Variants in CDH2 observed in about 807,000 individuals in gnomAD.
CDH2 encodes the protein cadherin 2.
In CDH2, 17 loss-of-function variants were observed where a neutral mutation model predicts 92.0. That is an observed-to-expected ratio of 0.18 (90% CI 0.13 to 0.28). CDH2 has a LOEUF of 0.28. Ranked by LOEUF, CDH2 falls within the 10% of genes least tolerant of loss-of-function variation. CDH2 has a pLI of 1.00. For synonymous variants in CDH2, 419 were observed against 415.9 expected (o/e 1.01, Z -0.09); for missense variants, 862 against 1,133.1 (o/e 0.76, Z 3.44).
chr18:27,951,770 C>T lies in CDH2; in HGVS notation c.*383G>A, dbSNP rs1294989848. ...TTTAATAAAAGCAAATGCAATGTAA[C>T]AAAAGCGTGTTGAAGCATATCATGG... On this transcript the variant is annotated 3_prime_UTR_variant, in exon 16 of 16. Transcript: ENST00000269141. The T allele has an allele frequency of 6.0e-6, 1 of 167,214 alleles. No homozygotes were observed. The highest frequency in any genetic ancestry group is 1.3e-5 in the Non-Finnish European group (1 of 76,884). The allele number at this position is 167,214 out of a possible 1,614,324, so 10.4% of individuals were successfully genotyped here. A position where few individuals can be genotyped will look rare whatever the true frequency, so the allele number is the denominator to read the frequency against.
At chr18:28,039,549 C>G (rs2013908149) in intron 2 of CDH2, among the ~76,000 whole-genome samples, 2 of 152,078 alleles carry the variant, frequency 1.3e-5, no homozygotes, top group African/African-American at 4.8e-5. Flanking sequence ...AACTGTCAGA[C>G]AGAATAAACT....
At chr18:28,119,222 C>T (rs540675332) in intron 2 of CDH2, among the ~76,000 whole-genome samples, 1 of 152,242 alleles carries the variant, frequency 6.6e-6, no homozygotes, top group Non-Finnish European at 1.5e-5. Flanking sequence ...ACTGTCAGGA[C>T]TGCTTTTCAT....
At chr18:28,063,882 G>C (rs1325099248) in intron 2 of CDH2, among the ~76,000 whole-genome samples, 1 of 151,938 alleles carries the variant, frequency 6.6e-6, no homozygotes, top group East Asian at 1.9e-4. Flanking sequence ...AAATATTATT[G>C]GCTACTGTCT....
At chr18:28,116,706 T>G (rs1408508105) in intron 2 of CDH2, among the ~76,000 whole-genome samples, 1 of 152,196 alleles carries the variant, frequency 6.6e-6, no homozygotes, top group Non-Finnish European at 1.5e-5. Context: ...GTCTTTGATC[T>G]TGAGCACAGA....
At chr18:28,009,974 A>AGCTACAAACTTTCAGC in intron 4 of CDH2, 102 bp from the exon 5 acceptor site, 1 of 819,254 alleles carries the variant, frequency 1.2e-6, no homozygotes, top group Non-Finnish European at 1.8e-6. Flanking sequence ...CTACAAACTT[A>AGCTACAAACTTTCAGC]TACCATCTCT....
chr18:28,010,894 C>G (rs2013078797), intron 4 of CDH2, among the ~76,000 whole-genome samples: 1 of 151,036 alleles, frequency 6.6e-6, no homozygotes, highest in Non-Finnish European at 1.5e-5. Context: ...TCGTGATCTG[C>G]CCACCTCAGC....
At position 27,952,560 on chromosome 18, in the gene CDH2, G is replaced by T. The variant is rs191015158; in HGVS notation, c.2515-201C>A. On this transcript the variant is annotated intron_variant, in intron 15 of 15. Coordinates refer to ENST00000269141, the MANE Select transcript of CDH2 (RefSeq NM_001792.5). ...AAAAATTAACTTATATCTTTCCGGT[G>T]CAAAGAAACAACCCTAAGCAGTCAA... 2.4e-3 allele frequency among the ~76,000 whole-genome samples: 358 copies of T among 152,232 alleles called. 2 individuals carry two copies. The highest frequency in any genetic ancestry group is 8.3e-3 in the African/African-American group (346 of 41,564).
chr18:28,059,399 G>A (rs1232607176), intron 2 of CDH2, among the ~76,000 whole-genome samples: 1 of 152,144 alleles, frequency 6.6e-6, no homozygotes, highest in African/African-American at 2.4e-5. Flanking sequence ...AAACTAATAT[G>A]GAGTCATTCA....
chr18:28,079,785 G>C (rs531615285), intron 2 of CDH2, among the ~76,000 whole-genome samples: 1 of 152,300 alleles, frequency 6.6e-6, no homozygotes, highest in African/African-American at 2.4e-5. Context: ...TCTAGCATGT[G>C]TAGTGGGTCA....
chr18:28,047,847 C>T (rs927736265), intron 2 of CDH2, among the ~76,000 whole-genome samples: 3 of 95,718 alleles, frequency 3.1e-5, no homozygotes, highest in African/African-American at 1.2e-4. Flanking sequence ...CCAGCCTGAA[C>T]AACAGAGGGA....
At chr18:27,935,393 A>G (rs1428074674) in intron 6 of CDH2, among the ~76,000 whole-genome samples, 1 of 152,132 alleles carries the variant, frequency 6.6e-6, no homozygotes, top group East Asian at 1.9e-4. Flanking sequence ...ACCAGATCTT[A>G]TGAGAACTCT....
At chr18:27,998,151 G>T (rs2012647973) in intron 7 of CDH2, among the ~76,000 whole-genome samples, 2 of 152,138 alleles carry the variant, frequency 1.3e-5, no homozygotes, top group South Asian at 4.1e-4. Flanking sequence ...TCCCTCATCT[G>T]TGAAATGGGA....
chr18:28,092,122 A>G (rs1423021627), intron 2 of CDH2, among the ~76,000 whole-genome samples: 1 of 152,108 alleles, frequency 6.6e-6, no homozygotes, highest in Admixed American at 6.5e-5. Flanking sequence ...CGACATATGA[A>G]TTTTAAGGGA....
intron 2 of CDH2, among the ~76,000 whole-genome samples, chr18:28,118,242 TAAG>T (rs1008270509): frequency 6.6e-6 from 1 of 151,612 alleles, no homozygotes; most frequent in Non-Finnish European, 1.5e-5. Flanking sequence ...GAAAGAAGAG[TAAG>T]AAGTGAGGGG....
intron 2 of CDH2, among the ~76,000 whole-genome samples, chr18:28,065,753 T>C (rs957395224): frequency 1.3e-5 from 2 of 152,194 alleles, no homozygotes; most frequent in South Asian, 4.1e-4. Context: ...CAATATTAAA[T>C]TCTGCAGGAG....
chr18:28,113,316 T>C (rs1170642973), intron 2 of CDH2, among the ~76,000 whole-genome samples: 5 of 152,118 alleles, frequency 3.3e-5, no homozygotes, highest in Non-Finnish European at 5.9e-5. Context: ...ATATTCTTTT[T>C]TTGGTACTTG....
intron 2 of CDH2, among the ~76,000 whole-genome samples, chr18:28,045,830 G>C (rs1455803569): frequency 6.6e-6 from 1 of 152,144 alleles, no homozygotes; most frequent in Non-Finnish European, 1.5e-5. Flanking sequence ...CTTGAGATCT[G>C]CCTGCTGAAT....
chr18:28,116,604 C>T (rs1359469432), intron 2 of CDH2, among the ~76,000 whole-genome samples: 1 of 152,086 alleles, frequency 6.6e-6, no homozygotes, highest in East Asian at 1.9e-4. Flanking sequence ...GAAACAACTC[C>T]CAAAAGGGTA....
At chr18:27,945,480 T>C (rs987602497) in intron 6 of CDH2, among the ~76,000 whole-genome samples, 9 of 152,072 alleles carry the variant, frequency 5.9e-5, no homozygotes, top group African/African-American at 2.2e-4. Context: ...TCTAAGGTCT[T>C]CCAGTTTTCC....
Sources: allele counts gnomAD v4.1 joint callset (sites outside exome capture counted in the v4.1 genomes callset), GRCh38; gene constraint gnomAD v4.1.1; transcripts MANE v1.5; gene names NCBI Gene and HGNC (gene_info 2026-07-23, HGNC 2026-07-21).